SCAF8: variants seen among roughly 807,000 people sequenced by gnomAD.
The protein encoded by SCAF8 is SR-related CTD associated factor 8, also known as SR-related and CTD-associated factor 8.
Under a neutral mutation model 140.5 loss-of-function variants are expected in SCAF8, and 23 were observed. The ratio of observed to expected loss-of-function variants is 0.16; its 90% CI spans 0.12 to 0.23. The LOEUF is 0.23. Ranked by LOEUF, SCAF8 falls within the 10% of genes least tolerant of loss-of-function variation. SCAF8 has a pLI of 1.00. For synonymous variants in SCAF8, 575 were observed against 528.9 expected (o/e 1.09, Z -1.20); for missense variants, 1,397 against 1,555.7 (o/e 0.90, Z 1.72).
chr6:154,740,017 A>G (rs550563088), intron 1 of SCAF8, among the ~76,000 whole-genome samples: 9 of 152,278 alleles, frequency 5.9e-5, no homozygotes, highest in African/African-American at 1.9e-4. Flanking sequence ...CTACCAGGGA[A>G]TCTGTCTCTG....
chr6:154,822,458 T>C, intron 16 of SCAF8, 49 bp downstream of exon 16: 1 of 1,550,106 alleles, frequency 6.5e-7, no homozygotes, highest in East Asian at 2.2e-5. Context: ...TTTACATTTC[T>C]GTTTTTAATC....
chr6:154,778,292 G>T (rs1430477611), intron 3 of SCAF8, among the ~76,000 whole-genome samples: 2 of 152,222 alleles, frequency 1.3e-5, no homozygotes, highest in African/African-American at 2.4e-5. Context: ...GTGTCATGTG[G>T]TATTAAGGAT....
chr6:154,752,137 T>C (rs1778853045), intron 1 of SCAF8, among the ~76,000 whole-genome samples: 1 of 152,202 alleles, frequency 6.6e-6, no homozygotes, highest in Admixed American at 6.5e-5. Flanking sequence ...AACTATTGTT[T>C]AGAAGGTTCC....
At chr6:154,795,637 C>T (rs1034403211) in intron 6 of SCAF8, among the ~76,000 whole-genome samples, 2 of 152,042 alleles carry the variant, frequency 1.3e-5, no homozygotes, top group African/African-American at 2.4e-5. Context: ...ATGGACTAGT[C>T]ATGGCAGGAC....
chr6:154,803,650 G>GT (rs746488408), intron 8 of SCAF8, 27 bp downstream of exon 8: 23 of 1,424,426 alleles, frequency 1.6e-5, no homozygotes, highest in Admixed American at 1.4e-4. Context: ...TATAGCCATA[G>GT]TTTTTTTATA....
chr6:154,762,574 G>C (rs958334403), intron 1 of SCAF8, among the ~76,000 whole-genome samples: 2 of 152,158 alleles, frequency 1.3e-5, no homozygotes, highest in African/African-American at 2.4e-5. Flanking sequence ...TATAGGGCTT[G>C]TACAGGGTAG....
intron 1 of SCAF8, among the ~76,000 whole-genome samples, chr6:154,740,776 G>A (rs1229609831): frequency 6.6e-6 from 1 of 151,896 alleles, no homozygotes; most frequent in African/African-American, 2.4e-5. Context: ...GCACCTCCAT[G>A]CCTGGGTAAT....
intron 1 of SCAF8, among the ~76,000 whole-genome samples, chr6:154,770,360 A>T (rs1344459796): frequency 1.3e-5 from 2 of 150,802 alleles, no homozygotes; most frequent in African/African-American, 4.9e-5. Context: ...GCTACTTGAG[A>T]GGTTGAGGTA....
chr6:154,804,840 C>T (rs1777867421), intron 8 of SCAF8, among the ~76,000 whole-genome samples: 2 of 152,044 alleles, frequency 1.3e-5, no homozygotes, highest in Non-Finnish European at 2.9e-5. Flanking sequence ...TATAGTTAAA[C>T]TATTATTTTT....
At chr6:154,740,073 T>G (rs562589189) in intron 1 of SCAF8, among the ~76,000 whole-genome samples, 1 of 152,336 alleles carries the variant, frequency 6.6e-6, no homozygotes, top group African/African-American at 2.4e-5. Context: ...TCTGGTTAAT[T>G]CTGTCAGTCA....
intron 8 of SCAF8, among the ~76,000 whole-genome samples, chr6:154,804,934 T>G (rs1162949551): frequency 6.6e-6 from 1 of 152,160 alleles, no homozygotes; most frequent in African/African-American, 2.4e-5. Flanking sequence ...TTTTATAAAT[T>G]TTATGGTCAA....
At chr6:154,747,150 A>T (rs1231711260) in intron 1 of SCAF8, among the ~76,000 whole-genome samples, 1 of 152,182 alleles carries the variant, frequency 6.6e-6, no homozygotes, top group East Asian at 1.9e-4. Context: ...CAAACTTTGT[A>T]GAGTATTAGT....
At chr6:154,753,731 C>G (rs909066957) in intron 1 of SCAF8, among the ~76,000 whole-genome samples, 2 of 152,170 alleles carry the variant, frequency 1.3e-5, no homozygotes, top group Non-Finnish European at 2.9e-5. Context: ...GGAAGGTGGC[C>G]TACCAGCCGT....
At chr6:154,815,839 TTAAGGTTTTAAAAAAG>T in intron 13 of SCAF8, 23 bp downstream of exon 13, 1 of 1,483,398 alleles carries the variant, frequency 6.7e-7, no homozygotes. Flanking sequence ...TCTTAATAAT[TTAAGGTTTTAAAAAAG>T]GAGGTTTTTA....
chr6:154,819,312 T>G (rs2114671177), intron 14 of SCAF8, among the ~76,000 whole-genome samples: 1 of 152,298 alleles, frequency 6.6e-6, no homozygotes, highest in East Asian at 1.9e-4. Context: ...ACAGACCAGG[T>G]GTGGCAGCTC....
intron 1 of SCAF8, among the ~76,000 whole-genome samples, chr6:154,754,349 A>G (rs1778912912): frequency 1.3e-5 from 2 of 152,216 alleles, no homozygotes; most frequent in Admixed American, 6.5e-5. Flanking sequence ...GTGTGTCACC[A>G]CAGTCATCCA....
intron 1 of SCAF8, among the ~76,000 whole-genome samples, chr6:154,754,511 C>G (rs576844515): frequency 2.0e-5 from 3 of 152,288 alleles, no homozygotes; most frequent in African/African-American, 7.2e-5. Context: ...AGTCACTTAA[C>G]CTAATTTTAT....
In SCAF8 at chr6:154,784,120, G is replaced by GATATATATATAT. The variant is rs72135986; in HGVS notation, c.160-3714_160-3703dup. Among the ~76,000 whole-genome samples, 258 of 106,666 alleles carry GATATATATATAT rather than the reference G, an allele frequency of 2.4e-3. 2 individuals are homozygous for GATATATATATAT. The highest frequency in any genetic ancestry group is 5.2e-3 in the African/African-American group (162 of 31,008). 70.0% of individuals were successfully genotyped at this position (106,666 alleles called of 152,430 possible). A position where few individuals can be genotyped will look rare whatever the true frequency, so the allele number is the denominator to read the frequency against. ...TATTTACTTATCTCTGGTGTCTTGA[G>GATATATATATAT]ATATATATATATATATATATATATA... On this transcript the variant is annotated intron_variant, in intron 3 of 19. Transcript: ENST00000367178.
At chr6:154,734,885 G>A (rs1778370141) in intron 1 of SCAF8, among the ~76,000 whole-genome samples, 1 of 152,182 alleles carries the variant, frequency 6.6e-6, no homozygotes, top group Admixed American at 6.5e-5. Flanking sequence ...AGCACTTTGG[G>A]AGGCCGAGGC....
Sources: gnomAD v4.1 joint callset for allele counts (sites outside exome capture counted in the v4.1 genomes callset) on GRCh38, gnomAD v4.1.1 for gene constraint, MANE v1.5 for transcripts, NCBI Gene and HGNC (gene_info 2026-07-23, HGNC 2026-07-21) for gene names.